The following SPNS3 variants were observed in gnomAD, a reference collection of about 807,000 sequenced individuals.
SPNS3 encodes the protein protein spinster homolog 3.
A neutral mutation model predicts 54.4 loss-of-function variants in SPNS3; 51 were observed. The ratio of observed to expected loss-of-function variants is 0.94; its 90% CI spans 0.75 to 1.18. SPNS3 has a LOEUF of 1.18. SPNS3 is among the 50% of genes most tolerant of loss of function. The pLI is 0.00. For synonymous variants in SPNS3, 309 were observed against 294.7 expected, an observed-to-expected ratio of 1.05 and a Z score of -0.50; for missense variants, 669 against 677.4, an observed-to-expected ratio of 0.99 and a Z score of 0.14.
chr17:4,453,190 C>T lies in SPNS3; in HGVS notation c.1098C>T (p.Thr366=), dbSNP rs1484467325. 1 of 1,612,892 alleles carries T rather than the reference C, an allele frequency of 6.2e-7. No individual in the cohort carries two copies. The highest frequency in any genetic ancestry group is 8.5e-7 in the Non-Finnish European group (1 of 1,179,642). ...LYLALVLAPT[T]LLASYVFLGL... ...TGGCTCTCGTCCTGGCCCCGACCAC[C>T]CTGCTGGCCTCCTATGTAAGTGAGA... The change falls in exon 8 of 12, where the codon ACC becomes ACT. Residue 366 remains threonine (T), a synonymous_variant. Transcript: ENST00000355530.
chr17:4,442,709 T>C (rs896289996), intron 2 of SPNS3, among the ~76,000 whole-genome samples: 3 of 152,194 alleles, frequency 2.0e-5, no homozygotes, highest in African/African-American at 7.2e-5. Context: ...GTGCTTTAAA[T>C]ATCAACTTAT....
At chr17:4,472,301 T>C (rs557136898) in intron 8 of SPNS3, among the ~76,000 whole-genome samples, 3 of 152,362 alleles carry the variant, frequency 2.0e-5, no homozygotes, top group Admixed American at 2.0e-4. Flanking sequence ...TGCTTTGATG[T>C]AATGTGGATG....
intron 6 of SPNS3, 86 bp downstream of exon 6, chr17:4,448,389 G>A: frequency 1.5e-6 from 2 of 1,334,754 alleles, no homozygotes; most frequent in Non-Finnish European, 2.0e-6. Flanking sequence ...CCACCTCCAG[G>A]GAGCCCTCCC....
At chr17:4,439,570 T>C in intron 1 of SPNS3, 88 bp from the exon 2 acceptor site, 3 of 1,222,086 alleles carry the variant, frequency 2.5e-6, no homozygotes, top group Non-Finnish European at 2.4e-6. Flanking sequence ...GCTGGTCAGC[T>C]GTGGCCCTGT....
chr17:4,458,163 C>T (rs1971365185), intron 8 of SPNS3, among the ~76,000 whole-genome samples: 2 of 152,198 alleles, frequency 1.3e-5, no homozygotes, highest in South Asian at 4.1e-4. Flanking sequence ...CTCTGCCCTT[C>T]CCTGGCTCAT....
At chr17:4,463,429 C>A (rs1597327701) in intron 8 of SPNS3, among the ~76,000 whole-genome samples, 1 of 146,324 alleles carries the variant, frequency 6.8e-6, no homozygotes, top group African/African-American at 2.6e-5. Context: ...AAACAAAAAA[C>A]CAAACCTGAA....
At chr17:4,443,448 G>T (rs559382332) in intron 2 of SPNS3, among the ~76,000 whole-genome samples, 55 of 152,294 alleles carry the variant, frequency 3.6e-4, no homozygotes, top group African/African-American at 1.3e-3. Context: ...CCTCCAGAAG[G>T]TTAATAAATT....
At chr17:4,444,090 G>C (rs1055001761) in intron 2 of SPNS3, among the ~76,000 whole-genome samples, 1 of 152,132 alleles carries the variant, frequency 6.6e-6, no homozygotes, top group Non-Finnish European at 1.5e-5. Flanking sequence ...GACAGAGCGA[G>C]ACTTTGTCTC....
chr17:4,486,662 T>G lies in SPNS3; in HGVS notation c.1450+79T>G. The stretch of plus-strand genomic sequence containing the variant: ...CAGCACTGGCCACCCCCTGAATCCC[T>G]GGCCAGTTTGTTTGTTCATTCATCC... On this transcript the variant is annotated intron_variant, in intron 11 of 11. Transcript: ENST00000355530. The surrounding 1 kb of genome is among the most constrained non-coding windows in gnomAD (Gnocchi z 5.5). 1 of 1,431,672 alleles carries G rather than the reference T, an allele frequency of 7.0e-7. No individual in the cohort carries two copies. Among genetic ancestry groups the G allele is most frequent in the Non-Finnish European group, 9.4e-7 (1 of 1,060,576 alleles). The allele number at this position is 1,431,672 out of a possible 1,614,324, so 88.7% of individuals were successfully genotyped here.
In SPNS3 at chr17:4,435,089, C is replaced by G. The variant is rs557106545; in HGVS notation, c.199+923C>G. 2.2e-3 allele frequency among the ~76,000 whole-genome samples: 331 copies of G among 152,100 alleles called. 2 individuals are homozygous for G. Among genetic ancestry groups the G allele is most frequent in the African/African-American group, 7.4e-3 (306 of 41,500 alleles). On this transcript the variant is annotated intron_variant, in intron 1 of 11. Transcript: ENST00000355530. ...AGTGTTGGGATTATAGGCATGAGCC[C>G]CTGCGCCCAGCCGAAACTCTGTCTC...
chr17:4,435,915 G>A (rs1439607987), intron 1 of SPNS3, among the ~76,000 whole-genome samples: 2 of 152,198 alleles, frequency 1.3e-5, no homozygotes, highest in Non-Finnish European at 2.9e-5. Flanking sequence ...CTGGGCGACA[G>A]AGCGAGACTC....
At chr17:4,444,574 C>A (rs1343026501) in intron 2 of SPNS3, among the ~76,000 whole-genome samples, 2 of 152,076 alleles carry the variant, frequency 1.3e-5, no homozygotes, top group Non-Finnish European at 2.9e-5. Flanking sequence ...TAGGCCCAGG[C>A]TGACTTCCCT....
In SPNS3 at chr17:4,482,081, G is replaced by T. The variant is rs543299793; in HGVS notation, c.1179+3444G>T. 788 of 152,222 alleles carry T rather than the reference G, an allele frequency of 5.2e-3. 6 individuals are homozygous for T. The highest frequency in any genetic ancestry group is 0.013 in the Middle Eastern group (4 of 302). The allele number at this position is 152,222 out of a possible 1,614,324, so 9.4% of individuals were successfully genotyped here. On this transcript the variant is annotated intron_variant, in intron 9 of 11. Transcript: ENST00000355530. ...TTTTTGTATTTTTAGTAGAGACGGG[G>T]TTCACCATGTTGGCCAGGATGGTCT... is the stretch of plus-strand genomic sequence containing the variant.
chr17:4,444,323 T>C (rs902281716), intron 2 of SPNS3, among the ~76,000 whole-genome samples: 1 of 151,912 alleles, frequency 6.6e-6, no homozygotes, highest in African/African-American at 2.4e-5. Flanking sequence ...CAAACGATTC[T>C]TGTGCCTCAT....
intron 1 of SPNS3, among the ~76,000 whole-genome samples, chr17:4,438,719 G>T (rs142789245): frequency 3.3e-5 from 5 of 152,226 alleles, no homozygotes; most frequent in African/African-American, 1.2e-4. Context: ...AGGCCACTGT[G>T]CTGTACAGCT....
At chr17:4,454,338 A>C (rs894705187) in intron 8 of SPNS3, among the ~76,000 whole-genome samples, 7 of 152,230 alleles carry the variant, frequency 4.6e-5, no homozygotes, top group African/African-American at 1.7e-4. Context: ...GCCCAGCCAC[A>C]AGCAGAGGGG....
intron 11 of SPNS3, among the ~76,000 whole-genome samples, chr17:4,487,378 C>T (rs1309799770): frequency 6.6e-6 from 1 of 152,138 alleles, no homozygotes; most frequent in Non-Finnish European, 1.5e-5. Context: ...GCAAGGAGGC[C>T]AGTGTGGCTG....
At chr17:4,487,167 CAAAAAAAAAAA>C (rs35822922) in intron 11 of SPNS3, among the ~76,000 whole-genome samples, 6 of 70,488 alleles carry the variant, frequency 8.5e-5, no homozygotes, top group African/African-American at 3.3e-4. Context: ...AAGACTGTCT[CAAAAAAAAAAA>C]AAAAAAAAAA....
chr17:4,434,204 C>T (rs1970657096), intron 1 of SPNS3, 38 bp downstream of exon 1: 1 of 1,550,306 alleles, frequency 6.5e-7, no homozygotes, highest in African/African-American at 1.4e-5. Context: ...GTACCTGCTG[C>T]TGTGCCCACC....
Sources: gnomAD v4.1 joint callset for allele counts (sites outside exome capture counted in the v4.1 genomes callset) on GRCh38, gnomAD v4.1.1 for gene constraint, Gnocchi (gnomAD v3.1) non-coding constraint, MANE v1.5 for transcripts, NCBI Gene and HGNC (gene_info 2026-07-23, HGNC 2026-07-21) for gene names.